The following RBL2 variants were observed in gnomAD, a reference collection of about 807,000 sequenced individuals.
The protein encoded by RBL2 is RB transcriptional corepressor like 2, also known as retinoblastoma-like protein 2.
A neutral mutation model predicts 126.0 loss-of-function variants in RBL2; 56 were observed. The ratio of observed to expected loss-of-function variants is 0.44; its 90% CI spans 0.36 to 0.56. The LOEUF is 0.56. Among genes scored for constraint, RBL2 ranks in the 20% least tolerant of loss-of-function variants. The probability of loss-of-function intolerance (pLI) is 0.00; values close to 1 mark genes in which losing one functional copy is unlikely to be tolerated. For missense variants in RBL2, 1,229 were observed against 1,398.2 expected, an observed-to-expected ratio of 0.88 and a Z score of 1.93; for synonymous variants, 454 against 478.5, an observed-to-expected ratio of 0.95 and a Z score of 0.67.
At position 53,435,546 on chromosome 16, in the gene RBL2, T is replaced by C; in HGVS notation, c.240+750T>C. 3.3e-6 allele frequency: 4 copies of C among 1,199,958 alleles called. No individual in the cohort carries two copies. The South Asian group carries it at 4.6e-5, about 14-fold the overall frequency. The allele number at this position is 1,199,958 out of a possible 1,614,324, so 74.3% of individuals were successfully genotyped here. A position where few individuals can be genotyped will look rare whatever the true frequency, so the allele number is the denominator to read the frequency against. ...TTGCAGATGAGAAAAATGGCCATTC[T>C]AGCCAGTGAGTGTCAGCTTTGTATG... On this transcript the variant is annotated intron_variant, in intron 1 of 21. Transcript: ENST00000262133.
intron 19 of RBL2, 167 bp from the exon 20 acceptor site, chr16:53,480,400 G>A: frequency 9.4e-6 from 6 of 635,476 alleles, no homozygotes; most frequent in Non-Finnish European, 1.4e-5. Context: ...TAGGGAGAAA[G>A]TTAATATCCT....
intron 2 of RBL2, among the ~76,000 whole-genome samples, chr16:53,442,446 T>G (rs530479513): frequency 3.9e-5 from 6 of 152,236 alleles, no homozygotes; most frequent in African/African-American, 1.4e-4. Flanking sequence ...ACAAATACTT[T>G]AGGTAACCTA....
chr16:53,445,188 G>A (rs897559605), intron 3 of RBL2, among the ~76,000 whole-genome samples: 6 of 151,892 alleles, frequency 4.0e-5, no homozygotes, highest in Admixed American at 6.6e-5. Context: ...TTAGCTTGGA[G>A]TGGTGGCGCA....
intron 4 of RBL2, among the ~76,000 whole-genome samples, chr16:53,447,791 C>G (rs2058076708): frequency 2.0e-5 from 3 of 151,904 alleles, no homozygotes; most frequent in Admixed American, 2.0e-4. Flanking sequence ...ATTACAGGCG[C>G]CCACCACCAT....
intron 14 of RBL2, 115 bp from the exon 15 acceptor site, chr16:53,469,801 T>G: frequency 8.1e-7 from 1 of 1,234,426 alleles, no homozygotes; most frequent in Non-Finnish European, 1.1e-6. Context: ...TGTTTGCTTT[T>G]TGAATTATGA....
chr16:53,449,789 G>C (rs115120573), intron 4 of RBL2, among the ~76,000 whole-genome samples: 2 of 151,884 alleles, frequency 1.3e-5, no homozygotes, highest in African/African-American at 4.8e-5. Flanking sequence ...CTATTTACTT[G>C]TTATCTTTGT....
chr16:53,440,953 CTTTT>C (rs1178378934), intron 2 of RBL2, among the ~76,000 whole-genome samples: 1 of 71,670 alleles, frequency 1.4e-5, no homozygotes, highest in African/African-American at 5.9e-5. Context: ...TTTTTCAGTT[CTTTT>C]TTTTTTTTTT....
In RBL2 at chr16:53,454,442, A is replaced by T. The variant is rs374370420; in HGVS notation, c.993-214A>T. On this transcript the variant is annotated intron_variant, in intron 7 of 21. Coordinates refer to ENST00000262133, the MANE Select transcript of RBL2 (RefSeq NM_005611.4). Reference sequence around the variant, plus strand: ...CTGGTCTCAAACTCCTGACTTCGTGATCCACCTGCCTCAGCCTCCCAAAGT... The same window carrying T: ...CTGGTCTCAAACTCCTGACTTCGTGTTCCACCTGCCTCAGCCTCCCAAAGT... The T allele has an allele frequency of 1.0e-5, 5 of 488,746 alleles. No homozygotes were observed. In the South Asian group the frequency reaches 1.1e-4, roughly 10 times the overall value. 30.3% of individuals were successfully genotyped at this position (488,746 alleles called of 1,614,324 possible).
At chr16:53,460,690 T>G (rs2058211143) in intron 9 of RBL2, among the ~76,000 whole-genome samples, 1 of 152,170 alleles carries the variant, frequency 6.6e-6, no homozygotes, top group Non-Finnish European at 1.5e-5. Flanking sequence ...CTATTTTTGT[T>G]GAAAGGTATG....
Position 53,459,617 on chromosome 16 carries a change from GGTTA to G in RBL2, c.1346+4_1346+7del, listed in dbSNP as rs1219562068. 2 of 1,542,084 alleles carry G rather than the reference GGTTA, an allele frequency of 1.3e-6. No homozygotes were observed. Among genetic ancestry groups the G allele is most frequent in the East Asian group, 4.6e-5 (2 of 43,370 alleles). On this transcript the variant is annotated splice_donor_variant and splice_donor_region_variant and intron_variant, in intron 9 of 21. Transcript: ENST00000262133. LOFTEE classifies it high-confidence loss of function. ...AGTGAGAAACTGGAACAGATTCTCA[GGTTA>G]GTTTGAGCCCTGTCTGCTTTCTAAG... is the stretch of plus-strand genomic sequence containing the variant.
chr16:53,467,080 A>C lies in RBL2; in HGVS notation c.1886A>C (p.Glu629Ala), dbSNP rs746135631. The change falls in exon 14 of 22, where the codon GAA (glutamate) becomes GCA (alanine). Residue 629 changes from glutamate to alanine, a missense_variant. By Grantham distance (107) the Glu-to-Ala change is moderately radical. Transcript: ENST00000262133. ...TAGGTCATGCCACCTCAGAACCTGG[A>C]AAGGGCAGATGAAATTTGCATTGCT... Reference protein sequence around the residue: ...CEEVMPPQNLERADEICIAGS... With the variant: ...CEEVMPPQNLARADEICIAGS... 1.9e-6 allele frequency: 3 copies of C among 1,614,046 alleles called. No homozygotes were observed. The highest frequency in any genetic ancestry group is 1.1e-5 in the South Asian group (1 of 91,084).
intron 1 of RBL2, chr16:53,435,791 G>A: frequency 8.2e-7 from 1 of 1,224,226 alleles, no homozygotes. Context: ...TGATGAGTGA[G>A]GTTATTTTTA....
intron 8 of RBL2, among the ~76,000 whole-genome samples, 200 bp from the exon 9 acceptor site, chr16:53,459,251 G>C (rs2058196340): frequency 6.6e-6 from 1 of 152,126 alleles, no homozygotes; most frequent in Non-Finnish European, 1.5e-5. Flanking sequence ...GTCTTCACAT[G>C]GATATTGGCG....
intron 21 of RBL2, among the ~76,000 whole-genome samples, chr16:53,484,860 G>A (rs1961099543): frequency 6.6e-6 from 1 of 152,152 alleles, no homozygotes; most frequent in Non-Finnish European, 1.5e-5. Flanking sequence ...CTGGAAGGGT[G>A]GAAAAGGTTA....
intron 8 of RBL2, among the ~76,000 whole-genome samples, chr16:53,455,710 A>G (rs1378142082): frequency 2.0e-5 from 3 of 152,216 alleles, no homozygotes; most frequent in African/African-American, 4.8e-5. Context: ...ACGGTGTCAC[A>G]CACCAGAAGT....
At chr16:53,463,258 C>G (rs919860220) in intron 11 of RBL2, among the ~76,000 whole-genome samples, 9 of 152,198 alleles carry the variant, frequency 5.9e-5, no homozygotes, top group African/African-American at 2.2e-4. Flanking sequence ...TTAATGTCAT[C>G]CTATGATAAA....
At chr16:53,442,059 A>T (rs2058021577) in intron 2 of RBL2, among the ~76,000 whole-genome samples, 1 of 152,026 alleles carries the variant, frequency 6.6e-6, no homozygotes, top group East Asian at 1.9e-4. Context: ...TGACCTTGTG[A>T]ATCTCCCACC....
rs568382520 is a variant in RBL2, at chr16:53,483,518, A to T, written c.3249+1683A>T. Among the ~76,000 whole-genome samples the T allele has an allele frequency of 4.7e-4, 71 of 152,244 alleles. 1 individual carries two copies. The South Asian group carries it at 0.014, about 31-fold the overall frequency. On this transcript the variant is annotated intron_variant, in intron 21 of 21. Transcript: ENST00000262133. ...GTGCCACCACACTCCAGCCTGGGCA[A>T]TAAAGTGAGAAACCCTGTCTGTTTG...
intron 21 of RBL2, among the ~76,000 whole-genome samples, chr16:53,486,831 GAATCCACAAAAAGCT>G (rs1301513321): frequency 1.3e-5 from 2 of 152,018 alleles, no homozygotes; most frequent in Non-Finnish European, 2.9e-5. Context: ...AAATCACAAA[GAATCCACAAAAAGCT>G]ACTGGAACTA....
Sources: allele counts gnomAD v4.1 joint callset (sites outside exome capture counted in the v4.1 genomes callset), GRCh38; gene constraint gnomAD v4.1.1; transcripts MANE v1.5; gene names NCBI Gene and HGNC (gene_info 2026-07-23, HGNC 2026-07-21).